The following B3GALT1 variants were observed in gnomAD, a reference collection of about 807,000 sequenced individuals.
B3GALT1 encodes the protein beta-1,3-galactosyltransferase 1.
In B3GALT1, 10 loss-of-function variants were observed where a neutral mutation model predicts 23.2. The ratio of observed to expected loss-of-function variants is 0.43; its 90% CI spans 0.27 to 0.73. The LOEUF (loss-of-function observed/expected upper bound fraction) is 0.73, where lower values mean the gene tolerates loss of function less well. Ranked by LOEUF, B3GALT1 falls within the 30% of genes least tolerant of loss-of-function variation. The pLI, the probability that B3GALT1 is intolerant of heterozygous loss-of-function variation, is 0.21. For synonymous variants in B3GALT1, 156 were observed against 141.5 expected (o/e 1.10, Z -0.73); for missense variants, 299 against 405.4 (o/e 0.74, Z 2.25).
intron 3 of B3GALT1, among the ~76,000 whole-genome samples, chr2:167,696,886 T>A (rs1366055293): frequency 6.6e-6 from 1 of 152,332 alleles, no homozygotes; most frequent in Middle Eastern, 3.4e-3. Context: ...TTAGTATCCC[T>A]GGGCCTCTGT....
chr2:167,428,084 T>C (rs780235493), intron 1 of B3GALT1, among the ~76,000 whole-genome samples: 13 of 152,202 alleles, frequency 8.5e-5, no homozygotes, highest in South Asian at 4.1e-4. Flanking sequence ...TTTTTGCCAC[T>C]AAGTGTTATC....
chr2:167,844,034 A>C (rs540916869), intron 4 of B3GALT1, among the ~76,000 whole-genome samples: 1 of 152,248 alleles, frequency 6.6e-6, no homozygotes, highest in Non-Finnish European at 1.5e-5. Context: ...TAGGAAGCCT[A>C]TTAGACGAAA....
intron 3 of B3GALT1, among the ~76,000 whole-genome samples, chr2:167,769,299 G>A (rs554785289): frequency 5.9e-5 from 9 of 152,222 alleles, no homozygotes; most frequent in African/African-American, 2.2e-4. Flanking sequence ...CCAAATCCTA[G>A]CCCCCTCCAA....
chr2:167,467,722 T>G (rs1485943217), intron 1 of B3GALT1, among the ~76,000 whole-genome samples: 2 of 152,250 alleles, frequency 1.3e-5, no homozygotes, highest in African/African-American at 2.4e-5. Flanking sequence ...AAAAAATCAA[T>G]CAATCAAGCA....
intron 2 of B3GALT1, among the ~76,000 whole-genome samples, chr2:167,546,775 T>C (rs1683644557): frequency 6.6e-6 from 1 of 152,178 alleles, no homozygotes; most frequent in South Asian, 2.1e-4. Flanking sequence ...GAACTTTGTC[T>C]CTCACTCATA....
In B3GALT1 at chr2:167,549,288, G is replaced by C. The variant is rs568010880; in HGVS notation, c.-410+59011G>C. 5.9e-5 allele frequency among the ~76,000 whole-genome samples: 9 copies of C among 152,266 alleles called. No homozygotes were observed. The East Asian group carries it at 1.7e-3, about 29-fold the overall frequency. ...GCAAAGAAGGAAACAGAATCAAAGAGGCTCATAACCTGCATACTAACCTTC... is the reference window on the plus strand; with the variant it reads ...GCAAAGAAGGAAACAGAATCAAAGACGCTCATAACCTGCATACTAACCTTC... On this transcript the variant is annotated intron_variant, in intron 2 of 4. Coordinates refer to ENST00000392690, the MANE Select transcript of B3GALT1 (RefSeq NM_020981.4).
intron 1 of B3GALT1, among the ~76,000 whole-genome samples, chr2:167,447,064 T>C (rs1212672597): frequency 6.6e-6 from 1 of 152,170 alleles, no homozygotes; most frequent in Non-Finnish European, 1.5e-5. Context: ...TTCTGTTTGT[T>C]AGTTTTCCTT....
At chr2:167,633,582 CAAA>C (rs1234400306) in intron 2 of B3GALT1, among the ~76,000 whole-genome samples, 2 of 151,564 alleles carry the variant, frequency 1.3e-5, no homozygotes, top group Non-Finnish European at 2.9e-5. Context: ...TCAAGAAAGA[CAAA>C]GAAGGGTATT....
chr2:167,527,873 G>A (rs1451926980), intron 2 of B3GALT1, among the ~76,000 whole-genome samples: 2 of 152,110 alleles, frequency 1.3e-5, no homozygotes, highest in Non-Finnish European at 2.9e-5. Context: ...ACCAGAAAAA[G>A]AATATTAAAG....
intron 2 of B3GALT1, among the ~76,000 whole-genome samples, chr2:167,599,975 A>G (rs7575525): frequency 0.012 from 1,828 of 152,328 alleles, 47 homozygotes; most frequent in African/African-American, 0.041. Context: ...TTTTATCTGT[A>G]CTAGAGTAGG....
At chr2:167,776,247 T>C (rs545188566) in intron 3 of B3GALT1, among the ~76,000 whole-genome samples, 31 of 152,310 alleles carry the variant, frequency 2.0e-4, no homozygotes, top group African/African-American at 7.5e-4. Flanking sequence ...ACTCCGGACA[T>C]GTAAACTACG....
At chr2:167,525,184 G>A (rs1296983967) in intron 2 of B3GALT1, among the ~76,000 whole-genome samples, 2 of 152,050 alleles carry the variant, frequency 1.3e-5, no homozygotes, top group Non-Finnish European at 2.9e-5. Flanking sequence ...ATATCAGAAT[G>A]TTTCTACACA....
intron 2 of B3GALT1, among the ~76,000 whole-genome samples, chr2:167,527,046 A>G (rs2058391243): frequency 6.6e-6 from 1 of 152,078 alleles, no homozygotes; most frequent in Admixed American, 6.6e-5. Context: ...ATATTTCCTT[A>G]ATATCTGCAT....
intron 1 of B3GALT1, among the ~76,000 whole-genome samples, chr2:167,439,312 T>C (rs1450419471): frequency 6.6e-6 from 1 of 152,230 alleles, no homozygotes; most frequent in Non-Finnish European, 1.5e-5. Flanking sequence ...TTAAGCCACA[T>C]CAATTCCTTT....
intron 1 of B3GALT1, among the ~76,000 whole-genome samples, chr2:167,364,645 A>G (rs1697558612): frequency 6.6e-6 from 1 of 152,182 alleles, no homozygotes; most frequent in East Asian, 1.9e-4. Context: ...AGCGTCATCC[A>G]TGTCCCTACA....
chr2:167,300,193 C>G (rs942903490), intron 1 of B3GALT1, among the ~76,000 whole-genome samples: 4 of 152,204 alleles, frequency 2.6e-5, no homozygotes, highest in African/African-American at 7.2e-5. Context: ...GCATGAGCCA[C>G]TGTGCCCAGC....
intron 1 of B3GALT1, among the ~76,000 whole-genome samples, chr2:167,342,798 G>T (rs1311253136): frequency 1.3e-5 from 2 of 151,986 alleles, no homozygotes; most frequent in African/African-American, 4.8e-5. Context: ...TACAGGCTTT[G>T]ACTGGTCATG....
intron 4 of B3GALT1, among the ~76,000 whole-genome samples, chr2:167,855,730 C>T (rs1689988051): frequency 6.6e-6 from 1 of 152,080 alleles, no homozygotes; most frequent in Non-Finnish European, 1.5e-5. Context: ...AAAACAAGGA[C>T]TATTTCCTTT....
chr2:167,637,023 G>A (rs1685567919), intron 2 of B3GALT1, among the ~76,000 whole-genome samples: 2 of 151,856 alleles, frequency 1.3e-5, no homozygotes, highest in Admixed American at 1.3e-4. Flanking sequence ...GTACTCAGTA[G>A]TATGCCCTTA....
Sources: gnomAD v4.1 joint callset for allele counts (sites outside exome capture counted in the v4.1 genomes callset) on GRCh38, gnomAD v4.1.1 for gene constraint, MANE v1.5 for transcripts, NCBI Gene and HGNC (gene_info 2026-07-23, HGNC 2026-07-21) for gene names.